The following YAF2 variants were observed in gnomAD, a reference collection of about 807,000 sequenced individuals.
The protein encoded by YAF2 is YY1-associated factor 2.
Under a neutral mutation model 20.1 loss-of-function variants are expected in YAF2, and 7 were observed. The ratio of observed to expected loss-of-function variants is 0.35; its 90% CI spans 0.20 to 0.65. YAF2 has a LOEUF of 0.65. Ranked by LOEUF, YAF2 falls within the 30% of genes least tolerant of loss-of-function variation. YAF2 has a pLI of 0.69. For missense variants in YAF2, 151 were observed against 219.2 expected, an observed-to-expected ratio of 0.69 and a Z score of 1.96; for synonymous variants, 74 against 76.0, an observed-to-expected ratio of 0.97 and a Z score of 0.14.
chr12:42,226,709 C>A (rs994593662), intron 2 of YAF2, among the ~76,000 whole-genome samples: 3 of 152,278 alleles, frequency 2.0e-5, no homozygotes, highest in Middle Eastern at 6.8e-3. Flanking sequence ...ATACCTACAA[C>A]TTAGAGACAA....
chr12:42,176,210 T>C (rs1444486357), intron 2 of YAF2, among the ~76,000 whole-genome samples: 1 of 134,388 alleles, frequency 7.4e-6, no homozygotes, highest in Non-Finnish European at 1.6e-5. Context: ...TGACTCTGTC[T>C]CAAAAAAAAA....
chr12:42,176,286 A>G (rs758755861), intron 2 of YAF2, among the ~76,000 whole-genome samples: 5 of 151,636 alleles, frequency 3.3e-5, no homozygotes, highest in Non-Finnish European at 7.4e-5. Flanking sequence ...CACGCCAGCT[A>G]ATTTTTGTAT....
At chr12:42,235,423 G>A (rs2068117278) in intron 2 of YAF2, 3 of 1,065,852 alleles carry the variant, frequency 2.8e-6, no homozygotes, top group Non-Finnish European at 3.4e-6. Flanking sequence ...ATCTTCTCTA[G>A]TAACAATACC....
rs1193225919 is a variant in YAF2, at chr12:42,157,908, T to C, written c.*2681A>G. 3 of 152,050 alleles carry C rather than the reference T, an allele frequency of 2.0e-5. No individual in the cohort carries two copies. Among genetic ancestry groups the C allele is most frequent in the Non-Finnish European group, 1.5e-5 (1 of 67,994 alleles). The allele number at this position is 152,050 out of a possible 1,614,324, so 9.4% of individuals were successfully genotyped here. On this transcript the variant is annotated 3_prime_UTR_variant, in exon 4 of 4. Transcript: ENST00000534854. ...GTGCTGGGATTACTGGCATGAGCCA[T>C]CACACCCGGCCTATCTTCACTCTTA...
At chr12:42,227,830 G>GTGCCA in intron 2 of YAF2, among the ~76,000 whole-genome samples, 1 of 137,304 alleles carries the variant, frequency 7.3e-6, no homozygotes, top group South Asian at 2.4e-4. Context: ...CAGCCGTGCC[G>GTGCCA]TCCGGGAGGG....
At chr12:42,206,524 G>A (rs948016013) in intron 2 of YAF2, among the ~76,000 whole-genome samples, 3 of 151,638 alleles carry the variant, frequency 2.0e-5, no homozygotes, top group Non-Finnish European at 4.4e-5. Context: ...CTGGAGAATC[G>A]CTTGAACCCA....
At position 42,158,505 on chromosome 12, in the gene YAF2, T is replaced by C. The variant is rs1447176596; in HGVS notation, c.*2084A>G. The C allele has an allele frequency of 3.3e-5, 5 of 152,330 alleles. No individual in the cohort carries two copies. The East Asian group carries it at 7.7e-4, about 24-fold the overall frequency. The allele number at this position is 152,330 out of a possible 1,614,324, so 9.4% of individuals were successfully genotyped here. On this transcript the variant is annotated 3_prime_UTR_variant, in exon 4 of 4. Transcript: ENST00000534854. ...AATTTTACACGGATTGACTTAATCC[T>C]CCCAAAAACCCTATAAATTAGATGT... is the stretch of plus-strand genomic sequence containing the variant.
At chr12:42,166,252 C>G (rs947370493) in intron 2 of YAF2, among the ~76,000 whole-genome samples, 2 of 152,174 alleles carry the variant, frequency 1.3e-5, no homozygotes, top group African/African-American at 2.4e-5. Flanking sequence ...TTCTTTACTT[C>G]TACCACTTCT....
intron 2 of YAF2, among the ~76,000 whole-genome samples, chr12:42,181,406 T>C (rs926075817): frequency 4.6e-5 from 7 of 152,196 alleles, no homozygotes; most frequent in Non-Finnish European, 7.3e-5. Flanking sequence ...ATTGCCCCTT[T>C]CATCCTGTGT....
chr12:42,163,613 T>C (rs2065846635), intron 2 of YAF2, among the ~76,000 whole-genome samples: 1 of 152,242 alleles, frequency 6.6e-6, no homozygotes, highest in Non-Finnish European at 1.5e-5. Flanking sequence ...CCATTTTTAT[T>C]CTTATTTTAA....
chr12:42,193,060 TC>T (rs1423035402), intron 2 of YAF2, among the ~76,000 whole-genome samples: 9 of 152,088 alleles, frequency 5.9e-5, no homozygotes, highest in Non-Finnish European at 2.9e-5. Flanking sequence ...ACACCTGTAA[TC>T]CCAGCACTTT....
At chr12:42,219,488 T>G (rs10459290) in intron 2 of YAF2, among the ~76,000 whole-genome samples, 53,310 of 151,976 alleles carry the variant, frequency 0.35, 9,803 homozygotes, top group South Asian at 0.48. Context: ...TGAGAGTTCA[T>G]TAAGCTCATT....
chr12:42,207,602 G>C (rs1193221487), intron 2 of YAF2, among the ~76,000 whole-genome samples: 1 of 152,086 alleles, frequency 6.6e-6, no homozygotes, highest in Non-Finnish European at 1.5e-5. Context: ...TAAAAAACTG[G>C]TAAGTGTAGG....
chr12:42,233,305 C>G, intron 2 of YAF2: 1 of 985,208 alleles, frequency 1.0e-6, no homozygotes, highest in Middle Eastern at 5.2e-4. Context: ...TGGTATGAAC[C>G]ATTTAGACCA....
chr12:42,238,130 G>A, intron 1 of YAF2, 25 bp downstream of exon 1: 1 of 1,531,488 alleles, frequency 6.5e-7, no homozygotes, highest in Non-Finnish European at 8.8e-7. Flanking sequence ...GCACAGTCCG[G>A]GCCCCGGGGC....
chr12:42,169,342 C>A (rs1042395204), intron 2 of YAF2, among the ~76,000 whole-genome samples: 2 of 152,164 alleles, frequency 1.3e-5, no homozygotes, highest in African/African-American at 4.8e-5. Flanking sequence ...ACTGGCTCCT[C>A]TTAGAACTTC....
chr12:42,234,960 C>T (rs2068100014), intron 2 of YAF2: 3 of 978,768 alleles, frequency 3.1e-6, no homozygotes, highest in Non-Finnish European at 3.6e-6. Flanking sequence ...TGCAACCCAG[C>T]CTGGGCAACA....
chr12:42,209,133 A>G (rs140574281), intron 2 of YAF2, among the ~76,000 whole-genome samples: 20 of 152,314 alleles, frequency 1.3e-4, no homozygotes, highest in Non-Finnish European at 1.8e-4. Context: ...CACAATTCAC[A>G]TCAAGTATTT....
chr12:42,207,674 C>T (rs1320384825), intron 2 of YAF2, among the ~76,000 whole-genome samples: 1 of 152,084 alleles, frequency 6.6e-6, no homozygotes, highest in African/African-American at 2.4e-5. Context: ...GGGCAGATCA[C>T]AAGGTCAGGC....
Sources: allele counts gnomAD v4.1 joint callset (sites outside exome capture counted in the v4.1 genomes callset), GRCh38; gene constraint gnomAD v4.1.1; transcripts MANE v1.5; gene names NCBI Gene and HGNC (gene_info 2026-07-23, HGNC 2026-07-21).